Variants in VPS13C observed in about 807,000 individuals in gnomAD.
VPS13C encodes intermembrane lipid transfer protein VPS13C.
In VPS13C, 358 loss-of-function variants were observed where a neutral mutation model predicts 456.8. The ratio of observed to expected loss-of-function variants is 0.78; its 90% CI spans 0.72 to 0.86. VPS13C has a LOEUF of 0.86. Ranked by LOEUF, VPS13C falls within the 40% of genes least tolerant of loss-of-function variation. VPS13C has a pLI of 0.00. For missense variants in VPS13C, 4,818 were observed against 4,385.4 expected (o/e 1.10, Z -2.79); for synonymous variants, 1,578 against 1,486.7 (o/e 1.06, Z -1.41).
Position 61,878,664 on chromosome 15 carries a change from T to G in VPS13C, c.10085A>C (p.Asn3362Thr), listed in dbSNP as rs766973105. 5 of 1,611,894 alleles carry G rather than the reference T, an allele frequency of 3.1e-6. No individual in the cohort carries two copies. In the South Asian group the frequency reaches 4.4e-5, roughly 14 times the overall value. ...KQEMFAVHSV[N>T]LLLKSIGATL... ...AGCACCTATGCTTTTCAACAGCAAGTTGACAGAATGAACTGCAAACATTTC... is the reference window on the plus strand; with the variant it reads ...AGCACCTATGCTTTTCAACAGCAAGGTGACAGAATGAACTGCAAACATTTC... Residue 3362 changes from asparagine (N) to threonine (T), a missense_variant, in exon 74 of 85, where the codon AAC becomes ACC. Physicochemically the swap from Asn to Thr is moderately conservative, Grantham distance 65. Coordinates refer to ENST00000644861, the MANE Select transcript of VPS13C (RefSeq NM_020821.3).
intron 49 of VPS13C, 31 bp from the exon 50 acceptor site, chr15:61,931,290 A>T: frequency 1.3e-6 from 2 of 1,577,966 alleles, no homozygotes; most frequent in Non-Finnish European, 1.7e-6. Context: ...AAAAGAATCA[A>T]TTACCTTTAA....
At chr15:62,018,658 GC>G (rs2047346524) in intron 9 of VPS13C, among the ~76,000 whole-genome samples, 1 of 151,794 alleles carries the variant, frequency 6.6e-6, no homozygotes, top group Admixed American at 6.6e-5. Flanking sequence ...TGGTGGATAA[GC>G]TTTTTGATGT....
Position 62,019,382 on chromosome 15 carries a change from G to A in VPS13C, c.684+1097C>T, listed in dbSNP as rs559178373. On this transcript the variant is annotated intron_variant, in intron 9 of 84. Coordinates refer to ENST00000644861, the MANE Select transcript of VPS13C (RefSeq NM_020821.3). The stretch of plus-strand genomic sequence containing the variant: ...TCTAGTTCTTTTAATTGTGATGTTA[G>A]GGTGTCAATTTTAGATCCTTCCTGC... 7.2e-5 allele frequency among the ~76,000 whole-genome samples: 11 copies of A among 152,090 alleles called. No homozygotes were observed. The East Asian group carries it at 2.1e-3, about 29-fold the overall frequency.
intron 47 of VPS13C, 64 bp downstream of exon 47, chr15:61,940,583 T>G: frequency 6.6e-7 from 1 of 1,517,266 alleles, no homozygotes; most frequent in Non-Finnish European, 9.0e-7. Context: ...CCACTAGAAC[T>G]GCACTATGAT....
In VPS13C at chr15:61,920,628, T is replaced by C. The variant is rs773810486; in HGVS notation, c.7082A>G (p.Gln2361Arg). The C allele has an allele frequency of 3.8e-6, 6 of 1,577,918 alleles. No individual in the cohort carries two copies. The highest frequency in any genetic ancestry group is 5.1e-6 in the Non-Finnish European group (6 of 1,170,208). ...ATCTCCTGGCAGCAAACTTTTATCC[T>C]GAACTGGGTTCTTCTTTACCTATGA... ...LRLDVKKNPV[Q>R]DKSLLPGDDF... The change falls in exon 56 of 85, where the codon CAG becomes CGG. Residue 2361 changes from glutamine to arginine, a missense_variant. This residue lies in a region of VPS13C where 4,552 missense variants were observed against 4,130.6 expected (regional missense o/e 1.10). Transcript: ENST00000644861.
intron 24 of VPS13C, among the ~76,000 whole-genome samples, chr15:61,976,839 C>T (rs907018478): frequency 6.6e-6 from 1 of 151,788 alleles, no homozygotes; most frequent in African/African-American, 2.4e-5. Context: ...GCATTGGATT[C>T]GATTCATTCA....
intron 61 of VPS13C, among the ~76,000 whole-genome samples, chr15:61,914,900 A>AAAAAAAC (rs1566996686): frequency 3.6e-5 from 4 of 112,134 alleles, no homozygotes; most frequent in African/African-American, 1.3e-4. Context: ...AAAAAAAAAA[A>AAAAAAAC]AAAAAAAAAC....
intron 54 of VPS13C, 90 bp from the exon 55 acceptor site, chr15:61,922,123 G>T: frequency 7.4e-7 from 1 of 1,355,904 alleles, no homozygotes; most frequent in Non-Finnish European, 1.0e-6. Flanking sequence ...AGTAATCAAT[G>T]TTATATATCA....
chr15:61,859,483 C>A (rs961168306), intron 82 of VPS13C, among the ~76,000 whole-genome samples: 2 of 152,176 alleles, frequency 1.3e-5, no homozygotes, highest in Non-Finnish European at 2.9e-5. Flanking sequence ...TCTCCCAACA[C>A]TAACACCCTA....
At chr15:61,889,515 T>A (rs1207397876) in intron 67 of VPS13C, among the ~76,000 whole-genome samples, 1 of 152,102 alleles carries the variant, frequency 6.6e-6, no homozygotes, top group Non-Finnish European at 1.5e-5. Context: ...ATTCCACCCA[T>A]CAGCCTCTAA....
chr15:61,976,621 A>G (rs1204154392), intron 24 of VPS13C, among the ~76,000 whole-genome samples: 1 of 152,038 alleles, frequency 6.6e-6, no homozygotes, highest in Admixed American at 6.6e-5. Context: ...ATCAAACTGT[A>G]AACTTTAAAT....
Position 62,003,347 on chromosome 15 carries a change from TG to T in VPS13C, c.1291-2722del, listed in dbSNP as rs1701837434. ...TCTATTATTGGTGTATAAGAATGCT[TG>T]TGATTTTTGCACATTGATTTTGTAT... On this transcript the variant is annotated intron_variant, in intron 15 of 84. Coordinates refer to ENST00000644861, the MANE Select transcript of VPS13C (RefSeq NM_020821.3). 4.0e-5 allele frequency among the ~76,000 whole-genome samples: 6 copies of T among 151,786 alleles called. No individual in the cohort carries two copies. The South Asian group carries it at 1.3e-3, about 32-fold the overall frequency.
At chr15:61,936,420 T>C (rs1327379787) in intron 48 of VPS13C, among the ~76,000 whole-genome samples, 177 bp downstream of exon 48, 5 of 152,172 alleles carry the variant, frequency 3.3e-5, no homozygotes, top group Non-Finnish European at 2.9e-5. Context: ...CAAGTGACCC[T>C]TCCCCCTGTA....
intron 38 of VPS13C, among the ~76,000 whole-genome samples, chr15:61,952,496 A>C (rs1282553141): frequency 6.6e-6 from 1 of 152,014 alleles, no homozygotes; most frequent in Non-Finnish European, 1.5e-5. Flanking sequence ...GGTCTTATGG[A>C]CTTTATATAT....
At chr15:61,984,666 C>A (rs980848368) in intron 19 of VPS13C, among the ~76,000 whole-genome samples, 191 bp downstream of exon 19, 1 of 151,936 alleles carries the variant, frequency 6.6e-6, no homozygotes, top group African/African-American at 2.4e-5. Flanking sequence ...GGAGGGAGGG[C>A]AGAACAAATG....
chr15:62,046,268 A>C (rs2140745149), intron 1 of VPS13C, among the ~76,000 whole-genome samples: 1 of 152,292 alleles, frequency 6.6e-6, no homozygotes, highest in East Asian at 1.9e-4. Flanking sequence ...AAAGACGTAG[A>C]GTCATAGTAA....
At chr15:61,977,053 T>C in intron 24 of VPS13C, 29 bp downstream of exon 24, 7 of 1,486,342 alleles carry the variant, frequency 4.7e-6, no homozygotes, top group Non-Finnish European at 6.5e-6. Flanking sequence ...CCTGTTGATT[T>C]TCTAATATAA....
rs1488265241 is a variant in VPS13C at position 61,982,474 on chromosome 15, CCTT to C, written c.2011_2013del (p.Lys671del). On this transcript the variant is annotated inframe_deletion, in exon 21 of 85. Transcript: ENST00000644861. ...AATTCTTCACCTGTAGCTGTTCTCT[CCTT>C]AATTTCTTCCAGCTTCATCAATGTT... 9 of 1,608,262 alleles carry C rather than the reference CCTT, an allele frequency of 5.6e-6. No individual in the cohort carries two copies. The highest frequency in any genetic ancestry group is 2.7e-5 in the African/African-American group (2 of 74,848).
At chr15:62,031,339 T>C (rs1319682175) in intron 5 of VPS13C, among the ~76,000 whole-genome samples, 1 of 151,946 alleles carries the variant, frequency 6.6e-6, no homozygotes, top group Admixed American at 6.6e-5. Context: ...TTTTGTGCTT[T>C]TAATATCAAT....
Sources: allele counts gnomAD v4.1 joint callset (sites outside exome capture counted in the v4.1 genomes callset), GRCh38; gene constraint gnomAD v4.1.1; regional missense constraint gnomAD v4.1.1; transcripts MANE v1.5; gene names NCBI Gene and HGNC (gene_info 2026-07-23, HGNC 2026-07-21).